The following GTF2A1L variants were observed in gnomAD, a reference collection of about 807,000 sequenced individuals.
The protein encoded by GTF2A1L is TFIIA-alpha and beta-like factor.
A neutral mutation model predicts 49.7 loss-of-function variants in GTF2A1L; 48 were observed. The ratio of observed to expected loss-of-function variants is 0.97; its 90% CI spans 0.77 to 1.23. GTF2A1L has a LOEUF of 1.23. GTF2A1L is among the 50% of genes most tolerant of loss of function. The pLI, the probability that GTF2A1L is intolerant of heterozygous loss-of-function variation, is 0.00. For synonymous variants in GTF2A1L, 246 were observed against 193.5 expected (o/e 1.27, Z -2.25); for missense variants, 736 against 564.8 (o/e 1.30, Z -3.07).
chr2:48,655,597 C>T (rs1053520553), intron 6 of GTF2A1L, among the ~76,000 whole-genome samples: 5 of 152,182 alleles, frequency 3.3e-5, no homozygotes, highest in Admixed American at 3.3e-4. Flanking sequence ...TTTCCTGCCA[C>T]CAGTACTTTG....
chr2:48,620,605 C>T (rs1304831187), intron 1 of GTF2A1L, among the ~76,000 whole-genome samples: 1 of 152,078 alleles, frequency 6.6e-6, no homozygotes, highest in Non-Finnish European at 1.5e-5. Flanking sequence ...TGGTGAAACC[C>T]TGTCTCTCTA....
chr2:48,664,885 T>C (rs971183031), intron 6 of GTF2A1L, among the ~76,000 whole-genome samples: 2 of 152,142 alleles, frequency 1.3e-5, no homozygotes, highest in African/African-American at 4.8e-5. Flanking sequence ...TCTCTCTTTC[T>C]CTCTCTGTCT....
Position 48,642,430 on chromosome 2 carries a change from T to A in GTF2A1L, c.276T>A (p.Thr92=), listed in dbSNP as rs2104175454. The A allele has an allele frequency of 6.3e-7, 1 of 1,594,114 alleles. No homozygotes were observed. ...CATTAGTTATTCCTGCTGGTAGAAC[T>A]CTTCCAAGTTTTACCACAGCAGAAC... is the stretch of plus-strand genomic sequence containing the variant. The part of the protein sequence containing the change: ...TASLVIPAGR[T]LPSFTTAELG... The change falls in exon 4 of 9, where the codon ACT becomes ACA. Residue 92 remains threonine, a synonymous_variant. Transcript: ENST00000403751.
intron 8 of GTF2A1L, 91 bp from the exon 9 acceptor site, chr2:48,679,244 G>A (rs1679634706): frequency 2.0e-6 from 3 of 1,494,288 alleles, no homozygotes; most frequent in Non-Finnish European, 2.7e-6. Flanking sequence ...CACATTTCGG[G>A]TGAGAATAAT....
At chr2:48,617,988 C>G (rs1005836671) in intron 1 of GTF2A1L, 93 bp downstream of exon 1, 3 of 1,272,926 alleles carry the variant, frequency 2.4e-6, no homozygotes, top group African/African-American at 3.0e-5. Context: ...CCCCCTGACA[C>G]TTTACAGATT....
In GTF2A1L at chr2:48,670,114, C is replaced by T. The variant is rs573296533; in HGVS notation, c.1239+132C>T. The T allele has an allele frequency of 1.5e-4, 195 of 1,324,266 alleles. 1 individual carries two copies. Among genetic ancestry groups the T allele is most frequent in the African/African-American group, 8.8e-4 (59 of 67,048 alleles). 82.0% of individuals were successfully genotyped at this position (1,324,266 alleles called of 1,614,324 possible). On this transcript the variant is annotated intron_variant, in intron 7 of 8. Transcript: ENST00000403751. ...TTTTGAAATAAGACTTATTTGGGGC[C>T]GGGCACGGTGGCTCACACATGTAAT...
chr2:48,646,252 A>C (rs946025010), intron 5 of GTF2A1L, among the ~76,000 whole-genome samples: 2 of 152,060 alleles, frequency 1.3e-5, no homozygotes, highest in African/African-American at 4.8e-5. Context: ...TGTAATTAAA[A>C]AAATAAGAAT....
chr2:48,649,974 C>G (rs1339841365), intron 6 of GTF2A1L, among the ~76,000 whole-genome samples: 3 of 152,100 alleles, frequency 2.0e-5, no homozygotes, highest in Non-Finnish European at 4.4e-5. Context: ...GGAGTTTCTT[C>G]CCACCATCCT....
chr2:48,675,866 ATATGTATC>A (rs1679441832), intron 8 of GTF2A1L, among the ~76,000 whole-genome samples: 1 of 151,608 alleles, frequency 6.6e-6, no homozygotes, highest in East Asian at 1.9e-4. Context: ...TAGTCTCTTT[ATATGTATC>A]TATATATCTC....
chr2:48,643,467 C>T (rs1041246546), intron 4 of GTF2A1L, among the ~76,000 whole-genome samples: 3 of 152,070 alleles, frequency 2.0e-5, no homozygotes, highest in African/African-American at 7.2e-5. Context: ...AAACCACACA[C>T]CTTAATAGGA....
chr2:48,618,003 TA>T (rs1675759570), intron 1 of GTF2A1L, 108 bp downstream of exon 1: 1 of 1,151,014 alleles, frequency 8.7e-7, no homozygotes, highest in African/African-American at 1.6e-5. Flanking sequence ...CAGATTGTCA[TA>T]AACCCTCTCT....
Position 48,645,612 on chromosome 2 carries a change from T to C in GTF2A1L, c.388+495T>C, listed in dbSNP as rs371643740. 5.9e-5 allele frequency among the ~76,000 whole-genome samples: 9 copies of C among 152,236 alleles called. No individual in the cohort carries two copies. In the East Asian group the frequency reaches 1.5e-3, roughly 26 times the overall value. On this transcript the variant is annotated intron_variant, in intron 5 of 8. Transcript: ENST00000403751. ...GGATCATACCTCTTCTTTGGGTTGT[T>C]GTAAAGTTTAAGTAAAGCACCTAAC...
chr2:48,669,752 C>T lies in GTF2A1L; in HGVS notation c.1009C>T (p.Arg337Trp), dbSNP rs756405130. 22 of 1,611,274 alleles carry T rather than the reference C, an allele frequency of 1.4e-5. No homozygotes were observed. Among genetic ancestry groups the T allele is most frequent in the Admixed American group, 1.7e-5 (1 of 59,848 alleles). The change falls in exon 7 of 9, where the codon CGG becomes TGG. Residue 337 changes from arginine (R) to tryptophan (W), a missense_variant. By Grantham distance (101) the Arg-to-Trp change is moderately radical (BLOSUM62 -3). Coordinates refer to ENST00000403751, the MANE Select transcript of GTF2A1L (RefSeq NM_006872.5). ...DSNSQVDLSIRVTDDDIGEII... is the reference protein window; with the variant it reads ...DSNSQVDLSIWVTDDDIGEII... ...TAATTCTCAGGTGGATTTAAGCATT[C>T]GGGTTACTGATGATGATATTGGTGA...
rs768804115 is a variant in GTF2A1L, at chr2:48,646,819, A to C, written c.755A>C (p.Gln252Pro). The C allele has an allele frequency of 6.2e-7, 1 of 1,614,162 alleles. No individual in the cohort carries two copies. Residue 252 changes from glutamine to proline, a missense_variant, in exon 6 of 9, where the codon CAG becomes CCG. Gln to Pro is a moderately conservative substitution (Grantham distance 76). Coordinates refer to ENST00000403751, the MANE Select transcript of GTF2A1L (RefSeq NM_006872.5). ...CTTCCAGGTGTTGTATTTTCTCCAC[A>C]GGTCTCTCAAACAAATTCTAATGTG... is the stretch of plus-strand genomic sequence containing the variant. The part of the protein sequence containing the change: ...ISLPGVVFSP[Q>P]VSQTNSNVES...
intron 6 of GTF2A1L, among the ~76,000 whole-genome samples, chr2:48,657,637 T>G (rs1253694894): frequency 6.6e-6 from 1 of 152,186 alleles, no homozygotes; most frequent in East Asian, 1.9e-4. Context: ...GATTGCTGGA[T>G]TGAACGGTAG....
intron 3 of GTF2A1L, among the ~76,000 whole-genome samples, chr2:48,637,279 G>A (rs1572714701): frequency 1.3e-5 from 2 of 152,146 alleles, no homozygotes; most frequent in Non-Finnish European, 2.9e-5. Context: ...ATGTATCAAA[G>A]AATTTTTGAT....
At chr2:48,651,276 A>T (rs1449299471) in intron 6 of GTF2A1L, among the ~76,000 whole-genome samples, 1 of 152,094 alleles carries the variant, frequency 6.6e-6, no homozygotes, top group Non-Finnish European at 1.5e-5. Context: ...AATTGTTGAC[A>T]TTTCTTTCAC....
intron 6 of GTF2A1L, among the ~76,000 whole-genome samples, chr2:48,669,213 C>T (rs1248520334): frequency 6.6e-6 from 1 of 152,130 alleles, no homozygotes; most frequent in African/African-American, 2.4e-5. Flanking sequence ...CTAGTAACCT[C>T]GATTTTACTT....
In GTF2A1L at chr2:48,675,729, T is replaced by C. The variant is rs145138158; in HGVS notation, c.1330-3606T>C. On this transcript the variant is annotated intron_variant, in intron 8 of 8. Coordinates refer to ENST00000403751, the MANE Select transcript of GTF2A1L (RefSeq NM_006872.5). ...ACCATTTGAATATCCTATATCTTCGTTTGACAGTTTAGCAGACTTGCTTAT... is the reference window on the plus strand; with the variant it reads ...ACCATTTGAATATCCTATATCTTCGCTTGACAGTTTAGCAGACTTGCTTAT... Among the ~76,000 whole-genome samples the C allele has an allele frequency of 5.0e-3, 764 of 152,094 alleles. 8 individuals are homozygous for C. The highest frequency in any genetic ancestry group is 0.018 in the African/African-American group (734 of 41,538).
Sources: allele counts gnomAD v4.1 joint callset (sites outside exome capture counted in the v4.1 genomes callset), GRCh38; gene constraint gnomAD v4.1.1; transcripts MANE v1.5; gene names NCBI Gene and HGNC (gene_info 2026-07-23, HGNC 2026-07-21).